Variants in RAD21 observed in about 807,000 individuals in gnomAD.
RAD21 encodes RAD21 cohesin complex component.
Under a neutral mutation model 71.5 loss-of-function variants are expected in RAD21, and 18 were observed. The observed-to-expected ratio is 0.25, with a 90% CI of 0.17 to 0.37. The LOEUF is 0.37. Ranked by LOEUF, RAD21 falls within the 10% of genes least tolerant of loss-of-function variation. RAD21 has a pLI of 1.00. For synonymous variants in RAD21, 248 were observed against 254.0 expected (o/e 0.98, Z 0.22); for missense variants, 493 against 769.1 (o/e 0.64, Z 4.25).
chr8:116,868,589 GT>G (rs17840624), intron 1 of RAD21, among the ~76,000 whole-genome samples: 11,128 of 152,018 alleles, frequency 0.073, 813 homozygotes, highest in East Asian at 0.37. Context: ...ATCAAAATGA[GT>G]TTTTTTATAT....
intron 4 of RAD21, among the ~76,000 whole-genome samples, chr8:116,859,884 G>A (rs1421911962): frequency 6.6e-6 from 1 of 152,132 alleles, no homozygotes; most frequent in Non-Finnish European, 1.5e-5. Flanking sequence ...GCACCAAACA[G>A]CCAAGTTTTG....
intron 4 of RAD21, 134 bp downstream of exon 4, chr8:116,861,707 C>T (rs1373303557): frequency 1.9e-6 from 1 of 527,332 alleles, no homozygotes; most frequent in Non-Finnish European, 3.3e-6. Flanking sequence ...TATTTATATA[C>T]TATCCTATAT....
intron 4 of RAD21, among the ~76,000 whole-genome samples, chr8:116,859,245 A>G (rs183073568): frequency 6.6e-6 from 1 of 152,260 alleles, no homozygotes; most frequent in Admixed American, 6.5e-5. Context: ...GGTTTGTGGT[A>G]ACAGTGCCTT....
intron 2 of RAD21, among the ~76,000 whole-genome samples, chr8:116,864,416 C>A (rs986599236): frequency 3.3e-5 from 5 of 152,144 alleles, no homozygotes; most frequent in Admixed American, 2.0e-4. Flanking sequence ...CACTCTAGGA[C>A]CCTACTTATG....
intron 5 of RAD21, 30 bp downstream of exon 5, chr8:116,858,322 T>TTAA: frequency 1.3e-6 from 2 of 1,503,260 alleles, no homozygotes; most frequent in South Asian, 2.3e-5. Context: ...AACATTATAA[T>TTAA]TAATGGCTAA....
At position 116,852,513 on chromosome 8, in the gene RAD21, T is replaced by G. The variant is rs747761966; in HGVS notation, c.1321+36A>C. The stretch of plus-strand genomic sequence containing the variant: ...GTAAATTTTAAGCCAAATACTCATG[T>G]GAACTTCATCAAGGAACTATTCCAA... On this transcript the variant is annotated intron_variant, in intron 10 of 13. Transcript: ENST00000297338. The G allele has an allele frequency of 1.2e-5, 18 of 1,555,502 alleles. No homozygotes were observed. In the Admixed American group the frequency reaches 3.4e-4, roughly 29 times the overall value.
In RAD21 at chr8:116,845,968, A is replaced by ATACAT; in HGVS notation, c.*1527_*1531dup. 4.4e-6 allele frequency: 1 copy of ATACAT among 227,134 alleles called. No homozygotes were observed. The highest frequency in any genetic ancestry group is 1.8e-4 in the South Asian group (1 of 5,476). The allele number at this position is 227,134 out of a possible 1,614,324, so 14.1% of individuals were successfully genotyped here. A position where few individuals can be genotyped will look rare whatever the true frequency, so the allele number is the denominator to read the frequency against. The stretch of plus-strand genomic sequence containing the variant: ...TAACACAACTTTTATTAGAAAAGTT[A>ATACAT]TACATAACATAGCATCAACTATTTT... On this transcript the variant is annotated 3_prime_UTR_variant, in exon 14 of 14. Transcript: ENST00000297338.
chr8:116,873,635 T>A (rs1797392696), intron 1 of RAD21, among the ~76,000 whole-genome samples: 1 of 136,876 alleles, frequency 7.3e-6, no homozygotes, highest in Middle Eastern at 3.6e-3. Context: ...GCACAAACGC[T>A]GTTTTTTTTT....
chr8:116,854,987 C>T (rs1812432418), intron 8 of RAD21, among the ~76,000 whole-genome samples: 1 of 152,164 alleles, frequency 6.6e-6, no homozygotes, highest in Non-Finnish European at 1.5e-5. Flanking sequence ...CCATCCTAGA[C>T]ATTTTAAGAG....
rs773095395 is a variant in RAD21 at position 116,849,010 on chromosome 8, C to T, written c.1640G>A (p.Gly547Asp). 6.3e-7 allele frequency: 1 copy of T among 1,593,900 alleles called. No homozygotes were observed. Among genetic ancestry groups the T allele is most frequent in the Non-Finnish European group, 8.5e-7 (1 of 1,170,772 alleles). Residue 547 changes from glycine (G) to aspartate (D), a missense_variant, in exon 13 of 14, where the codon GGC becomes GAC. Coordinates refer to ENST00000297338, the MANE Select transcript of RAD21 (RefSeq NM_006265.3). The stretch of plus-strand genomic sequence containing the variant: ...TCTTCTTTCTTCCTGATCTTGATCG[C>T]CCCCTGATGCATCTTCATCCTGAAT... ...EEEEDEDASG[G>D]DQDQEERRWN...
In RAD21 at chr8:116,864,236, T is replaced by A. The variant is rs2921780; in HGVS notation, c.145-977A>T. 9.7e-3 allele frequency among the ~76,000 whole-genome samples: 1,480 copies of A among 152,138 alleles called. 75 individuals carry two copies. In the East Asian group the frequency reaches 0.15, roughly 16 times the overall value. ...AATTTACTGAAAGAACAAGGCAATA[T>A]GAACTCAAACATCCCCAGATACTTT... On this transcript the variant is annotated intron_variant, in intron 2 of 13. Coordinates refer to ENST00000297338, the MANE Select transcript of RAD21 (RefSeq NM_006265.3).
At position 116,872,565 on chromosome 8, in the gene RAD21, C is replaced by CAT. The variant is rs1554613061; in HGVS notation, c.-33+2044_-33+2045dup. 6.6e-3 allele frequency among the ~76,000 whole-genome samples: 979 copies of CAT among 148,784 alleles called. 24 individuals are homozygous for CAT. Among genetic ancestry groups the CAT allele is most frequent in the African/African-American group, 0.022 (887 of 40,856 alleles). On this transcript the variant is annotated intron_variant, in intron 1 of 13. Coordinates refer to ENST00000297338, the MANE Select transcript of RAD21 (RefSeq NM_006265.3). ...ACACACACACACACACACACACACA[C>CAT]ATATTTTAACTCGGGACATAAATGT...
Position 116,846,182 on chromosome 8 carries a change from C to G in RAD21, c.*1318G>C, listed in dbSNP as rs369156581. On this transcript the variant is annotated 3_prime_UTR_variant, in exon 14 of 14. Coordinates refer to ENST00000297338, the MANE Select transcript of RAD21 (RefSeq NM_006265.3). ...TGCAATAGCAATTTTATACAATTAC[C>G]ACTCTGAAGAAACTGAATCATTAAA... 4.3e-6 allele frequency: 1 copy of G among 230,946 alleles called. No individual in the cohort carries two copies. Among genetic ancestry groups the G allele is most frequent in the South Asian group, 1.8e-4 (1 of 5,514 alleles). 14.3% of individuals were successfully genotyped at this position (230,946 alleles called of 1,614,324 possible). A position where few individuals can be genotyped will look rare whatever the true frequency, so the allele number is the denominator to read the frequency against.
chr8:116,858,315 A>G (rs755654969), intron 5 of RAD21, 37 bp downstream of exon 5: 3 of 1,472,610 alleles, frequency 2.0e-6, no homozygotes, highest in Admixed American at 1.7e-5. Context: ...ACAATATAAC[A>G]TTATAATTAA....
In RAD21 at chr8:116,873,269, A is replaced by T. The variant is rs1053236175; in HGVS notation, c.-33+1342T>A. Among the ~76,000 whole-genome samples, 25 of 121,916 alleles carry T rather than the reference A, an allele frequency of 2.1e-4. 1 individual carries two copies. The highest frequency in any genetic ancestry group is 6.9e-4 in the African/African-American group (14 of 20,294). The allele number at this position is 121,916 out of a possible 152,430, so 80.0% of individuals were successfully genotyped here. A position where few individuals can be genotyped will look rare whatever the true frequency, so the allele number is the denominator to read the frequency against. On this transcript the variant is annotated intron_variant, in intron 1 of 13. Coordinates refer to ENST00000297338, the MANE Select transcript of RAD21 (RefSeq NM_006265.3). ...TCTTTTGTAATTCTGACTTGTGTAT[A>T]AAAAAAAGCACTATGTCTATTAGTT...
At chr8:116,871,349 G>A (rs907231984) in intron 1 of RAD21, among the ~76,000 whole-genome samples, 20 of 152,024 alleles carry the variant, frequency 1.3e-4, no homozygotes, top group African/African-American at 4.8e-5. Flanking sequence ...TTTCTAAAGC[G>A]GCAAGCAGTT....
At chr8:116,863,641 T>C (rs1812633532) in intron 2 of RAD21, among the ~76,000 whole-genome samples, 1 of 152,138 alleles carries the variant, frequency 6.6e-6, no homozygotes, top group African/African-American at 2.4e-5. Context: ...TGTTCTTCAG[T>C]GGGCATGAAA....
At chr8:116,852,372 C>T in intron 10 of RAD21, 177 bp downstream of exon 10, 1 of 744,946 alleles carries the variant, frequency 1.3e-6, no homozygotes, top group Non-Finnish European at 2.1e-6. Context: ...CCTTAAAACT[C>T]TGGAAAGACA....
chr8:116,864,915 C>G (rs16889012), intron 2 of RAD21, among the ~76,000 whole-genome samples: 20,597 of 152,086 alleles, frequency 0.14, 1,756 homozygotes, highest in Admixed American at 0.21. Context: ...GCCAGTGGTT[C>G]TTCCAGTGGG....
Sources: gnomAD v4.1 joint callset for allele counts (sites outside exome capture counted in the v4.1 genomes callset) on GRCh38, gnomAD v4.1.1 for gene constraint, MANE v1.5 for transcripts, NCBI Gene and HGNC (gene_info 2026-07-23, HGNC 2026-07-21) for gene names.